Variants in COL23A1 observed in about 807,000 individuals in gnomAD.
The protein encoded by COL23A1 is collagen type XXIII alpha 1 chain.
A neutral mutation model predicts 99.3 loss-of-function variants in COL23A1; 97 were observed. The ratio of observed to expected loss-of-function variants is 0.98; its 90% CI spans 0.83 to 1.16. The LOEUF (loss-of-function observed/expected upper bound fraction) is 1.16. Among genes scored for constraint, COL23A1 ranks in the 50% most tolerant of loss-of-function variants. The pLI, the probability that COL23A1 is intolerant of heterozygous loss-of-function variation, is 0.00. For synonymous variants in COL23A1, 320 were observed against 308.2 expected (o/e 1.04, Z -0.40); for missense variants, 762 against 757.4 (o/e 1.01, Z -0.07).
At chr5:178,390,369 A>C (rs1432426191) in intron 2 of COL23A1, among the ~76,000 whole-genome samples, 2 of 152,258 alleles carry the variant, frequency 1.3e-5, no homozygotes, top group Non-Finnish European at 2.9e-5. Flanking sequence ...GCCATGAGGC[A>C]GGTCACCTGC....
intron 2 of COL23A1, among the ~76,000 whole-genome samples, chr5:178,418,302 C>T (rs774631824): frequency 6.6e-6 from 1 of 152,206 alleles, no homozygotes; most frequent in East Asian, 1.9e-4. Context: ...GATAATTATC[C>T]GGCTAGCTGG....
At chr5:178,358,595 GTGTA>G (rs1180573119) in intron 2 of COL23A1, among the ~76,000 whole-genome samples, 35 of 148,182 alleles carry the variant, frequency 2.4e-4, no homozygotes, top group Non-Finnish European at 3.3e-4. Context: ...GTGTGTGTAT[GTGTA>G]TGTGTGTATG....
At chr5:178,381,415 C>T (rs1041899414) in intron 2 of COL23A1, among the ~76,000 whole-genome samples, 10 of 152,194 alleles carry the variant, frequency 6.6e-5, no homozygotes, top group African/African-American at 9.6e-5. Flanking sequence ...GAAGGTGTGT[C>T]CATGCCAGCA....
At chr5:178,337,826 C>A (rs1760431971) in intron 2 of COL23A1, among the ~76,000 whole-genome samples, 1 of 151,670 alleles carries the variant, frequency 6.6e-6, no homozygotes, top group African/African-American at 2.4e-5. Flanking sequence ...ATGGAGGAGT[C>A]AAAAAAATGA....
chr5:178,379,584 T>C (rs1027690618), intron 2 of COL23A1, among the ~76,000 whole-genome samples: 4 of 152,160 alleles, frequency 2.6e-5, no homozygotes, highest in Non-Finnish European at 5.9e-5. Flanking sequence ...AACCTAGAAC[T>C]ATAAAAATGA....
At chr5:178,449,672 C>T (rs1471147536) in intron 2 of COL23A1, among the ~76,000 whole-genome samples, 2 of 152,038 alleles carry the variant, frequency 1.3e-5, no homozygotes, top group African/African-American at 2.4e-5. Flanking sequence ...CTCCCCCACC[C>T]CACCCCACCT....
intron 2 of COL23A1, among the ~76,000 whole-genome samples, chr5:178,377,234 G>A (rs1293339581): frequency 6.6e-6 from 1 of 152,204 alleles, no homozygotes; most frequent in East Asian, 1.9e-4. Context: ...CCCGTAACGG[G>A]CTGGTGTTTC....
At chr5:178,362,921 C>G (rs1341259362) in intron 2 of COL23A1, among the ~76,000 whole-genome samples, 1 of 113,568 alleles carries the variant, frequency 8.8e-6, no homozygotes, top group African/African-American at 3.4e-5. Flanking sequence ...AGCAACCCAC[C>G]CCCACAGCAA....
chr5:178,444,302 T>C (rs1581401825), intron 2 of COL23A1, among the ~76,000 whole-genome samples: 1 of 152,230 alleles, frequency 6.6e-6, no homozygotes, highest in African/African-American at 2.4e-5. Context: ...TTGCCAAATA[T>C]TCAGTGAGGC....
intron 19 of COL23A1, among the ~76,000 whole-genome samples, chr5:178,248,703 T>C (rs1006638711): frequency 2.0e-5 from 3 of 152,082 alleles, no homozygotes; most frequent in African/African-American, 7.2e-5. Context: ...CGCATGCCCT[T>C]GAGGGAGGGG....
At chr5:178,476,218 T>C (rs1232026064) in intron 2 of COL23A1, among the ~76,000 whole-genome samples, 1 of 152,190 alleles carries the variant, frequency 6.6e-6, no homozygotes, top group Non-Finnish European at 1.5e-5. Context: ...AAATGGCGCA[T>C]ACAGCATGCC....
intron 27 of COL23A1, among the ~76,000 whole-genome samples, chr5:178,240,615 A>ACCCTGCCCCTGCTGTCCCC (rs1764343655): frequency 6.6e-6 from 1 of 152,308 alleles, no homozygotes; most frequent in Non-Finnish European, 1.5e-5. Context: ...GGGCTGGGCC[A>ACCCTGCCCCTGCTGTCCCC]CCCTGCCCCT....
intron 2 of COL23A1, among the ~76,000 whole-genome samples, chr5:178,380,393 T>TTGTG (rs112420315): frequency 0.11 from 15,932 of 147,100 alleles, 1,116 homozygotes; most frequent in Admixed American, 0.24. Context: ...GAGCATGCAT[T>TTGTG]TGTGTGTGTG....
intron 25 of COL23A1, 144 bp downstream of exon 25, chr5:178,245,798 G>A (rs1375488860): frequency 2.2e-6 from 2 of 897,828 alleles, no homozygotes; most frequent in Non-Finnish European, 3.6e-6. Context: ...ACTTGGCAAT[G>A]GGGACACAGG....
intron 25 of COL23A1, among the ~76,000 whole-genome samples, chr5:178,243,410 C>T (rs1764513037): frequency 1.3e-5 from 2 of 151,236 alleles, no homozygotes; most frequent in Admixed American, 1.3e-4. Flanking sequence ...TCGCTTGAAC[C>T]CGGGAGACAG....
intron 22 of COL23A1, among the ~76,000 whole-genome samples, chr5:178,246,735 G>A (rs117254498): frequency 0.27 from 22,690 of 83,012 alleles, 2,115 homozygotes; most frequent in East Asian, 0.51. Context: ...GGGCGGGGGG[G>A]GGGGGACAGG....
At chr5:178,418,826 G>A (rs968007798) in intron 2 of COL23A1, among the ~76,000 whole-genome samples, 18 of 152,352 alleles carry the variant, frequency 1.2e-4, no homozygotes, top group East Asian at 9.6e-4. Flanking sequence ...TGCACAGTAA[G>A]CCATGTGGCC....
At chr5:178,520,431 T>TTTAG (rs1314495794) in intron 2 of COL23A1, among the ~76,000 whole-genome samples, 1 of 152,168 alleles carries the variant, frequency 6.6e-6, no homozygotes, top group African/African-American at 2.4e-5. Context: ...ATACGGAAGC[T>TTTAG]ACTAAGGCCA....
Position 178,428,250 on chromosome 5 carries a change from G to A in COL23A1, c.362-121331C>T, listed in dbSNP as rs1182109986. On this transcript the variant is annotated intron_variant, in intron 2 of 28. Coordinates refer to ENST00000390654, the MANE Select transcript of COL23A1 (RefSeq NM_173465.4). The surrounding 1 kb of genome is among the most constrained non-coding windows in gnomAD (Gnocchi z 5.0). ...GTGGGCTCCCCGAGGCATTTCCTGG[G>A]AGAAGGGTCTCTGGCTTCCCAAGAT... Among the ~76,000 whole-genome samples, 2 of 152,212 alleles carry A rather than the reference G, an allele frequency of 1.3e-5. No homozygotes were observed. The highest frequency in any genetic ancestry group is 4.8e-5 in the African/African-American group (2 of 41,456).
Sources: gnomAD v4.1 joint callset for allele counts (sites outside exome capture counted in the v4.1 genomes callset) on GRCh38, gnomAD v4.1.1 for gene constraint, Gnocchi (gnomAD v3.1) non-coding constraint, MANE v1.5 for transcripts, NCBI Gene and HGNC (gene_info 2026-07-23, HGNC 2026-07-21) for gene names.